Variants in MYRIP observed in about 807,000 individuals in gnomAD.
MYRIP encodes myosin VIIA and Rab interacting protein.
In MYRIP, 49 loss-of-function variants were observed where a neutral mutation model predicts 98.0. The ratio of observed to expected loss-of-function variants is 0.50; its 90% CI spans 0.40 to 0.63. The LOEUF (loss-of-function observed/expected upper bound fraction) is 0.63, where lower values mean the gene tolerates loss of function less well. Ranked by LOEUF, MYRIP falls within the 30% of genes least tolerant of loss-of-function variation. The pLI is 0.00. For missense variants in MYRIP, 1,004 were observed against 1,058.2 expected (o/e 0.95, Z 0.71); for synonymous variants, 404 against 409.5 (o/e 0.99, Z 0.16).
intron 2 of MYRIP, among the ~76,000 whole-genome samples, chr3:39,914,631 A>G (rs1308912084): frequency 6.6e-6 from 1 of 152,114 alleles, no homozygotes; most frequent in African/African-American, 2.4e-5. Flanking sequence ...TTTTAAGTAT[A>G]GAACTCCAAA....
intron 10 of MYRIP, among the ~76,000 whole-genome samples, chr3:40,208,745 T>C (rs1951845124): frequency 6.6e-6 from 1 of 152,198 alleles, no homozygotes; most frequent in Admixed American, 6.5e-5. Context: ...AAGTTTTCCC[T>C]AATCCTCAAC....
chr3:40,226,776 C>T (rs180704185), intron 11 of MYRIP, among the ~76,000 whole-genome samples: 37 of 152,312 alleles, frequency 2.4e-4, no homozygotes, highest in Admixed American at 2.2e-3. Flanking sequence ...GCCTAGCACA[C>T]AGTGAGCACT....
Position 39,890,224 on chromosome 3 carries a change from G to C in MYRIP, c.-30-10563G>C, listed in dbSNP as rs78295957. ...CTTTCCTCTTGTCTCTTCATCTGCTGTTGCCACTATGTTTCTTACTTTGTT... is the reference window on the plus strand; with the variant it reads ...CTTTCCTCTTGTCTCTTCATCTGCTCTTGCCACTATGTTTCTTACTTTGTT... On this transcript the variant is annotated intron_variant, in intron 1 of 16. Coordinates refer to ENST00000302541, the MANE Select transcript of MYRIP (RefSeq NM_015460.4). Among the ~76,000 whole-genome samples the C allele has an allele frequency of 9.2e-3, 1,397 of 151,258 alleles. 26 individuals are homozygous for C. Among genetic ancestry groups the C allele is most frequent in the African/African-American group, 0.032 (1,320 of 41,200 alleles).
chr3:40,062,761 C>T (rs546470499), intron 3 of MYRIP, among the ~76,000 whole-genome samples: 1 of 152,246 alleles, frequency 6.6e-6, no homozygotes, highest in East Asian at 1.9e-4. Context: ...GTTGACTTGG[C>T]CTTGTGTGAA....
At chr3:39,960,642 A>G (rs1945299697) in intron 2 of MYRIP, among the ~76,000 whole-genome samples, 1 of 152,164 alleles carries the variant, frequency 6.6e-6, no homozygotes. Flanking sequence ...AAATCAAAGC[A>G]GCACTATTGG....
chr3:40,196,718 C>A (rs553114753), intron 10 of MYRIP, among the ~76,000 whole-genome samples: 1 of 152,126 alleles, frequency 6.6e-6, no homozygotes, highest in African/African-American at 2.4e-5. Flanking sequence ...ATGCATTGTT[C>A]TGGGCATTAA....
At chr3:39,944,774 A>G (rs1944861178) in intron 2 of MYRIP, among the ~76,000 whole-genome samples, 1 of 152,116 alleles carries the variant, frequency 6.6e-6, no homozygotes, top group African/African-American at 2.4e-5. Flanking sequence ...TTTTTCTTAG[A>G]CTTTAAAATA....
chr3:40,130,408 C>T (rs1400515134), intron 3 of MYRIP, among the ~76,000 whole-genome samples: 3 of 145,268 alleles, frequency 2.1e-5, no homozygotes, highest in South Asian at 2.2e-4. Context: ...GACGGAGTCT[C>T]GCTCTGTGGC....
At chr3:40,234,220 A>G (rs1392390269) in intron 12 of MYRIP, among the ~76,000 whole-genome samples, 167 bp downstream of exon 12, 2 of 152,212 alleles carry the variant, frequency 1.3e-5, no homozygotes, top group East Asian at 1.9e-4. Context: ...ATTCCCCAGA[A>G]GCAGACCCTA....
chr3:40,114,520 C>T (rs897967110), intron 3 of MYRIP, among the ~76,000 whole-genome samples: 2 of 152,210 alleles, frequency 1.3e-5, no homozygotes, highest in Admixed American at 1.3e-4. Flanking sequence ...CATTTACAAT[C>T]TTACAAATAT....
chr3:39,941,834 T>C lies in MYRIP; in HGVS notation c.110+40908T>C, dbSNP rs1298614837. Among the ~76,000 whole-genome samples, 3 of 152,044 alleles carry C rather than the reference T, an allele frequency of 2.0e-5. No individual in the cohort carries two copies. The East Asian group carries it at 5.8e-4, about 29-fold the overall frequency. ...TAAAATTTTATCTTCTCCAATTGGT[T>C]TTTCTTAAAATTTATTTCTAAAAGT... On this transcript the variant is annotated intron_variant, in intron 2 of 16. Coordinates refer to ENST00000302541, the MANE Select transcript of MYRIP (RefSeq NM_015460.4).
At chr3:39,987,546 G>T (rs1325365183) in intron 2 of MYRIP, among the ~76,000 whole-genome samples, 2 of 152,134 alleles carry the variant, frequency 1.3e-5, no homozygotes, top group Admixed American at 6.6e-5. Flanking sequence ...GGGTCAAATG[G>T]TATGTCTGGT....
chr3:39,906,717 A>G (rs1383023543), intron 2 of MYRIP, among the ~76,000 whole-genome samples: 1 of 152,106 alleles, frequency 6.6e-6, no homozygotes, highest in Non-Finnish European at 1.5e-5. Flanking sequence ...CAACTACCAG[A>G]TTTCTACTAG....
intron 2 of MYRIP, among the ~76,000 whole-genome samples, chr3:40,013,915 C>T (rs1031389833): frequency 5.3e-5 from 8 of 152,244 alleles, no homozygotes; most frequent in Admixed American, 2.0e-4. Flanking sequence ...CTCATCCTGT[C>T]TGGTTCATAT....
intron 2 of MYRIP, among the ~76,000 whole-genome samples, chr3:39,931,562 T>G (rs1010819320): frequency 1.3e-5 from 2 of 152,122 alleles, no homozygotes; most frequent in African/African-American, 4.8e-5. Context: ...TGAATAGAAG[T>G]GATGAGAGAT....
intron 8 of MYRIP, among the ~76,000 whole-genome samples, chr3:40,181,026 C>G (rs1276479631): frequency 6.6e-6 from 1 of 152,210 alleles, no homozygotes; most frequent in African/African-American, 2.4e-5. Flanking sequence ...CTTCCAACCT[C>G]TAATCTTAAA....
chr3:40,036,128 C>T (rs372565758), intron 2 of MYRIP, among the ~76,000 whole-genome samples: 74 of 151,418 alleles, frequency 4.9e-4, no homozygotes, highest in Non-Finnish European at 9.3e-4. Context: ...TTAAAAATGA[C>T]GAAGAGATCC....
At chr3:40,060,621 C>T (rs550832673) in intron 3 of MYRIP, among the ~76,000 whole-genome samples, 3 of 89,582 alleles carry the variant, frequency 3.3e-5, no homozygotes, top group East Asian at 4.4e-4. Context: ...GAGAGAGATT[C>T]GCTCTTGCTA....
chr3:40,222,217 A>C (rs1344270603), intron 11 of MYRIP, among the ~76,000 whole-genome samples: 3 of 152,242 alleles, frequency 2.0e-5, no homozygotes, highest in African/African-American at 7.2e-5. Flanking sequence ...TATTTACATA[A>C]ATATAGTAAT....
Sources: allele counts gnomAD v4.1 joint callset (sites outside exome capture counted in the v4.1 genomes callset), GRCh38; gene constraint gnomAD v4.1.1; transcripts MANE v1.5; gene names NCBI Gene and HGNC (gene_info 2026-07-23, HGNC 2026-07-21).